IARS1: variants seen among roughly 807,000 people sequenced by gnomAD.
The protein encoded by IARS1 is isoleucyl-tRNA synthetase 1.
Under a neutral mutation model 168.2 loss-of-function variants are expected in IARS1, and 124 were observed. The observed-to-expected ratio is 0.74, with a 90% CI of 0.64 to 0.86. IARS1 has a LOEUF of 0.86. Among genes scored for constraint, IARS1 ranks in the 40% least tolerant of loss-of-function variants. The pLI is 0.00. For missense variants in IARS1, 1,452 were observed against 1,515.8 expected, an observed-to-expected ratio of 0.96 and a Z score of 0.70; for synonymous variants, 532 against 529.4, an observed-to-expected ratio of 1.00 and a Z score of -0.07.
intron 29 of IARS1, 72 bp downstream of exon 29, chr9:92,242,082 A>G (rs1396078885): frequency 8.7e-7 from 1 of 1,152,090 alleles, no homozygotes; most frequent in Non-Finnish European, 1.3e-6. Flanking sequence ...ACAGAATATC[A>G]ACACGTGAGT....
chr9:92,286,538 G>C lies in IARS1; in HGVS notation c.477C>G (p.Val159=). ...TTTACAATTTTAAATAAACCTACCA[G>C]ACTGATTCCATGAATTGTGGATACA... ...KTLYPQFMES[V]WWVFKQLYDK... The change falls in exon 5 of 34, where the codon GTC becomes GTG. Residue 159 remains valine (V), a splice_region_variant and synonymous_variant. Transcript: ENST00000443024. 1 of 1,539,172 alleles carries C rather than the reference G, an allele frequency of 6.5e-7. No homozygotes were observed.
intron 17 of IARS1, among the ~76,000 whole-genome samples, chr9:92,262,048 C>G (rs1456545338): frequency 6.8e-6 from 1 of 147,768 alleles, no homozygotes; most frequent in Non-Finnish European, 1.5e-5. Context: ...TAGCACCCAG[C>G]CCTCAATAAA....
At chr9:92,261,578 T>C (rs1028068435) in intron 17 of IARS1, among the ~76,000 whole-genome samples, 1 of 152,170 alleles carries the variant, frequency 6.6e-6, no homozygotes, top group Non-Finnish European at 1.5e-5. Flanking sequence ...CAAATAAGTA[T>C]ATGTAAAACT....
intron 9 of IARS1, 66 bp downstream of exon 9, chr9:92,277,797 A>T: frequency 7.3e-7 from 1 of 1,378,390 alleles, no homozygotes; most frequent in Non-Finnish European, 1.0e-6. Flanking sequence ...TCCACTTCTC[A>T]CAACACCCCA....
intron 9 of IARS1, 81 bp from the exon 10 acceptor site, chr9:92,274,602 A>C: frequency 1.0e-6 from 1 of 954,202 alleles, no homozygotes; most frequent in Non-Finnish European, 1.7e-6. Flanking sequence ...TTTCCTAAGA[A>C]CCTGAAAATG....
chr9:92,277,877 C>T lies in IARS1; in HGVS notation c.880G>A (p.Asp294Asn). The T allele has an allele frequency of 6.2e-7, 1 of 1,613,806 alleles. No homozygotes were observed. The highest frequency in any genetic ancestry group is 8.5e-7 in the Non-Finnish European group (1 of 1,179,898). The change falls in exon 9 of 34, where the codon GAC becomes AAC. Residue 294 changes from aspartate to asparagine, a missense_variant. Asp to Asn is a conservative substitution (Grantham distance 23). Coordinates refer to ENST00000443024, the MANE Select transcript of IARS1 (RefSeq NM_002161.6). Reference sequence around the variant, plus strand: ...CCTAAGCTTACCTTCAGGAAATAGTCAAACAGGGGCCTGTACTTCTTGCCT... The same window carrying T: ...CCTAAGCTTACCTTCAGGAAATAGTTAAACAGGGGCCTGTACTTCTTGCCT... Reference protein sequence around the residue: ...LKGKKYRPLFDYFLKCKENGA... With the variant: ...LKGKKYRPLFNYFLKCKENGA...
chr9:92,221,339 C>T (rs1839640172), intron 33 of IARS1, among the ~76,000 whole-genome samples: 1 of 152,020 alleles, frequency 6.6e-6, no homozygotes, highest in Admixed American at 6.6e-5. Flanking sequence ...TCCACAAGTG[C>T]CGAAAGACAC....
At chr9:92,281,001 G>A (rs999838019) in intron 6 of IARS1, 108 bp from the exon 7 acceptor site, 14 of 642,860 alleles carry the variant, frequency 2.2e-5, no homozygotes, top group Admixed American at 3.7e-5. Flanking sequence ...AGGGTAAACC[G>A]AAGAAACCAC....
intron 10 of IARS1, among the ~76,000 whole-genome samples, chr9:92,272,157 C>G (rs1018605037): frequency 6.6e-6 from 1 of 152,240 alleles, no homozygotes; most frequent in African/African-American, 2.4e-5. Flanking sequence ...ACCAAACAGC[C>G]TGGCTCCAGA....
chr9:92,265,601 A>G, intron 14 of IARS1, 48 bp from the exon 15 acceptor site: 1 of 1,352,840 alleles, frequency 7.4e-7, no homozygotes, highest in Non-Finnish European at 1.1e-6. Flanking sequence ...AGCCAAACAG[A>G]GCATACTGAG....
chr9:92,261,461 C>T (rs1240857144), intron 17 of IARS1, among the ~76,000 whole-genome samples: 1 of 152,100 alleles, frequency 6.6e-6, no homozygotes, highest in Non-Finnish European at 1.5e-5. Context: ...GAGGGGAAGG[C>T]AATGCAGGAA....
chr9:92,222,905 T>C (rs1839877376), intron 32 of IARS1, among the ~76,000 whole-genome samples: 1 of 150,936 alleles, frequency 6.6e-6, no homozygotes, highest in African/African-American at 2.4e-5. Context: ...GCCCAGCAGC[T>C]TGGGGAGCAG....
chr9:92,272,955 T>C (rs894620265), intron 10 of IARS1, among the ~76,000 whole-genome samples: 12 of 151,466 alleles, frequency 7.9e-5, no homozygotes, highest in African/African-American at 2.7e-4. Flanking sequence ...ATGCACAGCA[T>C]TGAGAATAGA....
chr9:92,228,287 C>CT (rs928574258), intron 31 of IARS1, among the ~76,000 whole-genome samples: 70 of 150,326 alleles, frequency 4.7e-4, no homozygotes, highest in African/African-American at 1.5e-3. Context: ...AGGACATAAT[C>CT]TTTTTTTTTT....
At chr9:92,245,895 T>C (rs1829124273) in intron 26 of IARS1, among the ~76,000 whole-genome samples, 1 of 151,848 alleles carries the variant, frequency 6.6e-6, no homozygotes, top group Non-Finnish European at 1.5e-5. Flanking sequence ...GTCTCCTGAG[T>C]AGCTGGAACT....
chr9:92,275,410 T>C (rs1407781632), intron 9 of IARS1, among the ~76,000 whole-genome samples: 1 of 152,210 alleles, frequency 6.6e-6, no homozygotes, highest in Non-Finnish European at 1.5e-5. Flanking sequence ...TACAATGTTA[T>C]TTTCAATTAC....
intron 20 of IARS1, 53 bp from the exon 21 acceptor site, chr9:92,253,506 G>A (rs553190526): frequency 1.7e-6 from 2 of 1,159,544 alleles, no homozygotes; most frequent in African/African-American, 1.5e-5. Context: ...GGCATCTGGG[G>A]TGGGGAGAGG....
chr9:92,250,365 C>T (rs1490938271), intron 23 of IARS1, 76 bp from the exon 24 acceptor site: 15 of 936,764 alleles, frequency 1.6e-5, no homozygotes, highest in Non-Finnish European at 2.1e-5. Flanking sequence ...CATGCATAAG[C>T]GAGGAAGAGG....
At chr9:92,283,300 C>T (rs1036891823) in intron 6 of IARS1, among the ~76,000 whole-genome samples, 2 of 152,270 alleles carry the variant, frequency 1.3e-5, no homozygotes, top group Middle Eastern at 6.8e-3. Flanking sequence ...ATTTAATTTG[C>T]AGAGGAAAGT....
Sources: allele counts gnomAD v4.1 joint callset (sites outside exome capture counted in the v4.1 genomes callset), GRCh38; gene constraint gnomAD v4.1.1; transcripts MANE v1.5; gene names NCBI Gene and HGNC (gene_info 2026-07-23, HGNC 2026-07-21).